The following TULP2 variants were observed in gnomAD, a reference collection of about 807,000 sequenced individuals.
The protein encoded by TULP2 is TUB like protein 2, also known as tubby-related protein 2.
Under a neutral mutation model 60.3 loss-of-function variants are expected in TULP2, and 64 were observed. The ratio of observed to expected loss-of-function variants is 1.06; its 90% confidence interval spans 0.87 to 1.31. The LOEUF (loss-of-function observed/expected upper bound fraction) is 1.31. TULP2 is among the 50% of genes most tolerant of loss of function. TULP2 has a pLI of 0.00. For missense variants in TULP2, 652 were observed against 667.0 expected, an observed-to-expected ratio of 0.98 and a Z score of 0.25; for synonymous variants, 267 against 265.4, an observed-to-expected ratio of 1.01 and a Z score of -0.06.
chr19:48,885,315 G>GT (rs2037169575), intron 9 of TULP2, 133 bp downstream of exon 9: 1 of 688,180 alleles, frequency 1.5e-6, no homozygotes, highest in East Asian at 2.7e-5. Context: ...GCCAGCCTAC[G>GT]TTCCAAACCC....
intron 8 of TULP2, among the ~76,000 whole-genome samples, chr19:48,886,578 A>T (rs925005774): frequency 2.0e-5 from 3 of 151,936 alleles, no homozygotes; most frequent in Non-Finnish European, 2.9e-5. Flanking sequence ...GGGAGAGAGG[A>T]TACCCCGAGG....
At chr19:48,896,985 A>T (rs1186066126) in intron 3 of TULP2, among the ~76,000 whole-genome samples, 2 of 150,848 alleles carry the variant, frequency 1.3e-5, no homozygotes, top group African/African-American at 4.9e-5. Context: ...CGCCTCCCGG[A>T]TTCAAACGAT....
At chr19:48,888,850 G>T (rs1263102310) in intron 7 of TULP2, among the ~76,000 whole-genome samples, 1 of 152,124 alleles carries the variant, frequency 6.6e-6, no homozygotes, top group African/African-American at 2.4e-5. Flanking sequence ...TGGAACTCCT[G>T]ACCTCAGGTG....
intron 8 of TULP2, among the ~76,000 whole-genome samples, chr19:48,887,614 G>A (rs1422112481): frequency 6.6e-6 from 1 of 151,936 alleles, no homozygotes; most frequent in Non-Finnish European, 1.5e-5. Context: ...CTGGAGTGCA[G>A]TGATGCAATC....
intron 9 of TULP2, 86 bp from the exon 10 acceptor site, chr19:48,884,132 C>T: frequency 9.2e-7 from 1 of 1,081,176 alleles, no homozygotes; most frequent in Non-Finnish European, 1.4e-6. Context: ...CTCTTCCCAT[C>T]AATCCCCTAT....
Position 48,884,052 on chromosome 19 carries a change from C to A in TULP2, c.1062-6G>T. 1 of 1,611,362 alleles carries A rather than the reference C, an allele frequency of 6.2e-7. No individual in the cohort carries two copies. Among genetic ancestry groups the A allele is most frequent in the Non-Finnish European group, 8.5e-7 (1 of 1,177,666 alleles). On this transcript the variant is annotated splice_region_variant and splice_polypyrimidine_tract_variant and intron_variant, in intron 9 of 12. Coordinates refer to ENST00000221399, the MANE Select transcript of TULP2 (RefSeq NM_003323.3). ...TGGTGCTGAAGACATTGGATCTGCT[C>A]CAGGAAGGGAATGGATAGAATAAAA...
In TULP2 at chr19:48,897,603, A is replaced by C. The variant is rs1446359209; in HGVS notation, c.33-207T>G. 4 of 694,044 alleles carry C rather than the reference A, an allele frequency of 5.8e-6. No individual in the cohort carries two copies. The African/African-American group carries it at 7.2e-5, about 13-fold the overall frequency. The allele number at this position is 694,044 out of a possible 1,614,324, so 43.0% of individuals were successfully genotyped here. On this transcript the variant is annotated intron_variant, in intron 2 of 12. Coordinates refer to ENST00000221399, the MANE Select transcript of TULP2 (RefSeq NM_003323.3). This position sits in a 1 kb window ranked among gnomAD's most constrained non-coding sequence, Gnocchi z 4.0. The stretch of plus-strand genomic sequence containing the variant: ...ACAGAAGCCGGGACCCAGAGATCCC[A>C]GGTCCCTCCTGTCTCAGGATTCAGG...
intron 8 of TULP2, among the ~76,000 whole-genome samples, chr19:48,885,812 G>C (rs1967200): frequency 0.19 from 28,146 of 152,022 alleles, 3,562 homozygotes; most frequent in African/African-American, 0.37. Flanking sequence ...TTGAACCCAG[G>C]GGGCAGAGGT....
chr19:48,883,750 T>C lies in TULP2; in HGVS notation c.1275+4A>G. ...CCCAGAGATTCCTGATGTCAGGGACTCACATTTAGTGGCTGGACATTGATT... is the reference window on the plus strand; with the variant it reads ...CCCAGAGATTCCTGATGTCAGGGACCCACATTTAGTGGCTGGACATTGATT... On this transcript the variant is annotated splice_donor_region_variant and intron_variant, in intron 11 of 12. Transcript: ENST00000221399. 6.2e-7 allele frequency: 1 copy of C among 1,613,980 alleles called. No homozygotes were observed. Among genetic ancestry groups the C allele is most frequent in the South Asian group, 1.1e-5 (1 of 91,044 alleles).
At chr19:48,881,990 C>G (rs755921038) in intron 12 of TULP2, 42 bp downstream of exon 12, 1 of 1,613,818 alleles carries the variant, frequency 6.2e-7, no homozygotes, top group African/African-American at 1.3e-5. Flanking sequence ...ACCCTAACCC[C>G]CACCCCACCT....
At chr19:48,894,330 T>G (rs1273714405) in intron 6 of TULP2, among the ~76,000 whole-genome samples, 1 of 151,998 alleles carries the variant, frequency 6.6e-6, no homozygotes, top group South Asian at 2.1e-4. Flanking sequence ...TTTTAAAAAT[T>G]TTTTTAAATA....
chr19:48,894,729 A>G (rs1257725792), intron 6 of TULP2, among the ~76,000 whole-genome samples: 5 of 151,868 alleles, frequency 3.3e-5, no homozygotes, highest in Non-Finnish European at 5.9e-5. Flanking sequence ...ATATGGGGGG[A>G]TGTTCATAGT....
intron 4 of TULP2, among the ~76,000 whole-genome samples, chr19:48,896,185 C>T (rs1028313111): frequency 1.3e-5 from 2 of 152,172 alleles, no homozygotes; most frequent in Non-Finnish European, 2.9e-5. Context: ...TACCATGCCC[C>T]GCCCCTGCGC....
chr19:48,892,983 C>T (rs2037247614), intron 6 of TULP2, among the ~76,000 whole-genome samples: 1 of 152,008 alleles, frequency 6.6e-6, no homozygotes, highest in African/African-American at 2.4e-5. Flanking sequence ...TGGCTCACAC[C>T]CGTAATCCCA....
chr19:48,896,869 T>G (rs1183410247), intron 3 of TULP2: 1 of 315,756 alleles, frequency 3.2e-6, no homozygotes, highest in East Asian at 5.7e-5. Flanking sequence ...ATTCCTATTT[T>G]CTTTTCTTTT....
At position 48,883,943 on chromosome 19, in the gene TULP2, C is replaced by T. The variant is rs773338376; in HGVS notation, c.1165G>A (p.Ala389Thr). The T allele has an allele frequency of 2.5e-6, 4 of 1,614,014 alleles. No individual in the cohort carries two copies. The highest frequency in any genetic ancestry group is 2.5e-6 in the Non-Finnish European group (3 of 1,179,960). Residue 389 changes from alanine to threonine, a missense_variant, in exon 10 of 13, where the codon GCT becomes ACT. Transcript: ENST00000221399. ...NTARIRQELG[A>T]VCYEPNVLGY... ...CCCAGGACACTCACATAACACACAGCCCCCAGCTCCTGTCTGATCCGGGCA... is the reference window on the plus strand; with the variant it reads ...CCCAGGACACTCACATAACACACAGTCCCCAGCTCCTGTCTGATCCGGGCA...
chr19:48,885,727 T>TA (rs543100814), intron 8 of TULP2, among the ~76,000 whole-genome samples, 167 bp from the exon 9 acceptor site: 2 of 150,302 alleles, frequency 1.3e-5, no homozygotes, highest in African/African-American at 2.5e-5. Flanking sequence ...CTACTAAAAA[T>TA]AAAAAAAATT....
chr19:48,896,662 C>T, intron 3 of TULP2, 106 bp from the exon 4 acceptor site: 2 of 1,364,988 alleles, frequency 1.5e-6, no homozygotes, highest in Non-Finnish European at 1.9e-6. Context: ...AGTTCGTGAA[C>T]CCCTTCCTCC....
In TULP2 at chr19:48,882,222, G is replaced by T; in HGVS notation, c.1276-19C>A. The T allele has an allele frequency of 6.2e-7, 1 of 1,613,680 alleles. No individual in the cohort carries two copies. The highest frequency in any genetic ancestry group is 1.3e-5 in the African/African-American group (1 of 74,986). On this transcript the variant is annotated intron_variant, in intron 11 of 12. Transcript: ENST00000221399. ...CCTGTTCCTAGAAGGTAAAGAAGGG[G>T]CTGTGGTTTTCTCAGAGGCTTTCGA...
Sources: gnomAD v4.1 joint callset for allele counts (sites outside exome capture counted in the v4.1 genomes callset) on GRCh38, gnomAD v4.1.1 for gene constraint, Gnocchi (gnomAD v3.1) non-coding constraint, MANE v1.5 for transcripts, NCBI Gene and HGNC (gene_info 2026-07-23, HGNC 2026-07-21) for gene names.